MYO1H: variants seen among roughly 807,000 people sequenced by gnomAD.
The protein encoded by MYO1H is myosin IH.
MYO1H carries 118 observed loss-of-function variants against 149.3 expected under a neutral mutation model. The observed-to-expected ratio is 0.79, with a 90% CI of 0.68 to 0.92. The LOEUF (loss-of-function observed/expected upper bound fraction) is 0.92. MYO1H is among the 40% of genes least tolerant of loss of function. The pLI is 0.00. For synonymous variants in MYO1H, 447 were observed against 465.2 expected (o/e 0.96, Z 0.50); for missense variants, 1,212 against 1,280.7 (o/e 0.95, Z 0.82).
At chr12:109,361,362 T>A (rs1868742571) in intron 1 of MYO1H, among the ~76,000 whole-genome samples, 1 of 152,084 alleles carries the variant, frequency 6.6e-6, no homozygotes. Context: ...TAACCACTAT[T>A]TGGATTTTCG....
chr12:109,431,054 C>CA (rs772066497), intron 19 of MYO1H, among the ~76,000 whole-genome samples: 295 of 110,922 alleles, frequency 2.7e-3, no homozygotes, highest in African/African-American at 3.1e-3. Flanking sequence ...GACTCCATCT[C>CA]AAAAAAAAAA....
chr12:109,342,232 C>T, the MYO1H span, among the ~76,000 whole-genome samples: 1 of 149,610 alleles, frequency 6.7e-6, no homozygotes, highest in Non-Finnish European at 1.5e-5. Flanking sequence ...GCAACCTCCA[C>T]CTCCTGGGTT....
At chr12:109,345,417 A>T (rs2136988381), upstream of MYO1H, among the ~76,000 whole-genome samples, 1 of 152,324 alleles carries the variant, frequency 6.6e-6, no homozygotes, top group African/African-American at 2.4e-5. Flanking sequence ...ACCACTGCAC[A>T]TCAACTAGCT....
At chr12:109,445,673 C>A in intron 31 of MYO1H, 61 bp downstream of exon 31, 2 of 1,556,710 alleles carry the variant, frequency 1.3e-6, no homozygotes, top group South Asian at 1.2e-5. Context: ...AGTTAAAGTT[C>A]TACCAATTTC....
intron 7 of MYO1H, among the ~76,000 whole-genome samples, chr12:109,405,194 C>G (rs538712592): frequency 6.6e-6 from 1 of 151,638 alleles, no homozygotes; most frequent in African/African-American, 2.4e-5. Flanking sequence ...GCCTGGGTGA[C>G]AGAGCAAGAC....
chr12:109,356,562 T>C (rs1160303189), intron 1 of MYO1H, among the ~76,000 whole-genome samples: 2 of 152,190 alleles, frequency 1.3e-5, no homozygotes, highest in Admixed American at 1.3e-4. Context: ...TAGGAAGTAG[T>C]GCAAGAAGAC....
chr12:109,444,164 A>G (rs996130448), intron 28 of MYO1H, 49 bp from the exon 29 acceptor site: 4 of 1,398,732 alleles, frequency 2.9e-6, no homozygotes, highest in African/African-American at 2.8e-5. Context: ...CCTCTGTACT[A>G]ATGTCAAGCT....
exon 30 of MYO1H, chr12:109,444,487 T>A: frequency 6.2e-7 from 1 of 1,614,024 alleles, no homozygotes; most frequent in African/African-American, 1.3e-5. Context: ...AAACTCGTCA[T>A]GCTGGTTAAG....
chr12:109,446,721 A>G (rs1457286745), intron 31 of MYO1H, among the ~76,000 whole-genome samples: 3 of 152,194 alleles, frequency 2.0e-5, no homozygotes, highest in East Asian at 3.9e-4. Flanking sequence ...CTGAGATCGC[A>G]CCACTACACT....
At chr12:109,417,819 T>C (rs1007833025) in intron 15 of MYO1H, among the ~76,000 whole-genome samples, 5 of 134,022 alleles carry the variant, frequency 3.7e-5, no homozygotes, top group African/African-American at 1.0e-4. Context: ...TGTTTTGTTT[T>C]GTTTTGTTTT....
At chr12:109,355,722 G>C (rs568764616) in intron 1 of MYO1H, among the ~76,000 whole-genome samples, 1 of 150,330 alleles carries the variant, frequency 6.7e-6, no homozygotes, top group Admixed American at 6.6e-5. Context: ...TTTGTTTTTT[G>C]GTTTTTCTTT....
At chr12:109,434,262 G>A (rs533711592) in intron 20 of MYO1H, among the ~76,000 whole-genome samples, 2 of 152,194 alleles carry the variant, frequency 1.3e-5, no homozygotes, top group South Asian at 2.1e-4. Flanking sequence ...CACCTGCCTC[G>A]GCCTCCCAAA....
chr12:109,446,328 C>A, intron 31 of MYO1H: 1 of 930,492 alleles, frequency 1.1e-6, no homozygotes, highest in Non-Finnish European at 1.3e-6. Context: ...TTGCTGAAAA[C>A]GACATGTTAA....
chr12:109,342,541 CTTTTTT>C, the MYO1H span, among the ~76,000 whole-genome samples: 4 of 100,532 alleles, frequency 4.0e-5, no homozygotes, highest in East Asian at 1.1e-3. Flanking sequence ...CTTCAGGAGA[CTTTTTT>C]TTTTTTTTTT....
intron 1 of MYO1H, among the ~76,000 whole-genome samples, chr12:109,376,668 C>T (rs1274784470): frequency 6.6e-6 from 1 of 152,160 alleles, no homozygotes; most frequent in Non-Finnish European, 1.5e-5. Flanking sequence ...ATCCCCATGC[C>T]AATATCATAC....
intron 21 of MYO1H, 34 bp from the exon 22 acceptor site, chr12:109,436,454 A>C (rs778239715): frequency 6.5e-7 from 1 of 1,544,174 alleles, no homozygotes; most frequent in South Asian, 1.2e-5. Context: ...GCAAATGCAA[A>C]GCCATTTCAC....
exon 4 of MYO1H, chr12:109,396,515 C>A: frequency 6.2e-7 from 1 of 1,613,938 alleles, no homozygotes; most frequent in East Asian, 2.2e-5. Context: ...TTTGCAGTGA[C>A]CTGCCCAATG....
At chr12:109,443,026 A>ATG (rs1248604398) in intron 27 of MYO1H, among the ~76,000 whole-genome samples, 1 of 111,854 alleles carries the variant, frequency 8.9e-6, no homozygotes, top group Admixed American at 8.6e-5. Flanking sequence ...ATATATATAT[A>ATG]TATGTGTGTG....
chr12:109,355,504 A>G (rs920304968), intron 1 of MYO1H, among the ~76,000 whole-genome samples: 2 of 151,592 alleles, frequency 1.3e-5, no homozygotes, highest in Non-Finnish European at 2.9e-5. Flanking sequence ...TGGGCCTGGG[A>G]TATACCCTTA....
Sources: allele counts gnomAD v4.1 joint callset (sites outside exome capture counted in the v4.1 genomes callset), GRCh38; gene constraint gnomAD v4.1.1; transcripts MANE v1.5; gene names NCBI Gene and HGNC (gene_info 2026-07-23, HGNC 2026-07-21).